ELFN2: variants seen among roughly 807,000 people sequenced by gnomAD.
ELFN2 encodes the protein protein phosphatase 1 regulatory subunit 29.
ELFN2 carries 17 observed loss-of-function variants against 45.5 expected under a neutral mutation model. That is an observed-to-expected ratio of 0.37 (90% CI 0.26 to 0.56). The LOEUF (loss-of-function observed/expected upper bound fraction) is 0.56. Among genes scored for constraint, ELFN2 ranks in the 20% least tolerant of loss-of-function variants. ELFN2 has a pLI of 0.77. For missense variants in ELFN2, 922 were observed against 1,183.2 expected, an observed-to-expected ratio of 0.78 and a Z score of 3.24; for synonymous variants, 550 against 551.5, an observed-to-expected ratio of 1.00 and a Z score of 0.04.
intron 1 of ELFN2, among the ~76,000 whole-genome samples, chr22:37,362,846 T>A (rs1358384757): frequency 6.6e-6 from 1 of 152,088 alleles, no homozygotes; most frequent in African/African-American, 2.4e-5. Context: ...GCAGGACAGA[T>A]GTTTGGGCTC....
intron 1 of ELFN2, among the ~76,000 whole-genome samples, chr22:37,424,686 G>C (rs1045977849): frequency 5.7e-4 from 86 of 152,088 alleles, no homozygotes; most frequent in Non-Finnish European, 8.5e-4. Flanking sequence ...GCGGCGGGGG[G>C]GGGGATGGAA....
intron 2 of ELFN2, among the ~76,000 whole-genome samples, chr22:37,415,804 T>C (rs932985841): frequency 6.6e-6 from 1 of 151,996 alleles, no homozygotes; most frequent in African/African-American, 2.4e-5. Flanking sequence ...CTACTAAAAA[T>C]ACAAAAAATT....
At chr22:37,392,975 C>A (rs960682920) in intron 2 of ELFN2, among the ~76,000 whole-genome samples, 7 of 152,232 alleles carry the variant, frequency 4.6e-5, no homozygotes, top group Non-Finnish European at 7.3e-5. Flanking sequence ...TTACTTCAGG[C>A]CTGCTGCCTG....
At chr22:37,397,021 T>C (rs1569138857) in intron 2 of ELFN2, among the ~76,000 whole-genome samples, 2 of 152,154 alleles carry the variant, frequency 1.3e-5, no homozygotes, top group Non-Finnish European at 2.9e-5. Context: ...TAGGGCTCCC[T>C]GCAGCCCCAG....
chr22:37,358,987 G>C (rs1026399294), intron 1 of ELFN2, among the ~76,000 whole-genome samples: 2 of 152,108 alleles, frequency 1.3e-5, no homozygotes. Context: ...GGGCCGCTGG[G>C]CTATCTGAGA....
In ELFN2 at chr22:37,372,777, T is replaced by A. The variant is rs1931408194; in HGVS notation, c.*295A>T. ...CCTCCCCCCGCCAGCCCCCCGGCCC[T>A]GCACACCCCAGCAGAGTCCCTGGGC... On this transcript the variant is annotated 3_prime_UTR_variant, in exon 3 of 3. Coordinates refer to ENST00000402918, the MANE Select transcript of ELFN2 (RefSeq NM_052906.5). This position sits in a 1 kb window ranked among gnomAD's most constrained non-coding sequence, Gnocchi z 4.4. 25 of 135,074 alleles carry A rather than the reference T, an allele frequency of 1.9e-4. No individual in the cohort carries two copies. The highest frequency in any genetic ancestry group is 8.4e-4 in the East Asian group (4 of 4,782). The allele number at this position is 135,074 out of a possible 1,614,324, so 8.4% of individuals were successfully genotyped here.
chr22:37,412,082 G>C (rs4645084), intron 2 of ELFN2, among the ~76,000 whole-genome samples: 38,175 of 151,660 alleles, frequency 0.25, 8,124 homozygotes, highest in African/African-American at 0.59. Context: ...TGTACACTCA[G>C]GCCTGTAATC....
intron 1 of ELFN2, among the ~76,000 whole-genome samples, chr22:37,345,330 T>C (rs1231793339): frequency 6.6e-6 from 1 of 152,238 alleles, no homozygotes; most frequent in Non-Finnish European, 1.5e-5. Context: ...ATACAGGCTT[T>C]GGACCCAGGA....
At chr22:37,397,392 A>C (rs1932243185) in intron 2 of ELFN2, among the ~76,000 whole-genome samples, 1 of 151,908 alleles carries the variant, frequency 6.6e-6, no homozygotes, top group African/African-American at 2.4e-5. Flanking sequence ...GCTCACCCCC[A>C]CCCACGCTGA....
intron 1 of ELFN2, chr22:37,352,322 C>T (rs1431591781): frequency 6.6e-6 from 1 of 151,078 alleles, no homozygotes; most frequent in African/African-American, 2.4e-5. Context: ...CCAGAGGTGA[C>T]TCCAGCAGCC....
intron 1 of ELFN2, 126 bp downstream of exon 1, chr22:37,427,172 C>T (rs1200333416): frequency 1.3e-5 from 2 of 152,178 alleles, no homozygotes; most frequent in African/African-American, 2.4e-5. Context: ...TCTCATCCCC[C>T]CTTCCGTGTC....
At chr22:37,396,560 C>G (rs1301316657) in intron 2 of ELFN2, among the ~76,000 whole-genome samples, 1 of 152,190 alleles carries the variant, frequency 6.6e-6, no homozygotes, top group African/African-American at 2.4e-5. Flanking sequence ...ACTACCCAGG[C>G]CCCTGTCATG....
At chr22:37,422,151 T>G (rs1003815081) in intron 1 of ELFN2, among the ~76,000 whole-genome samples, 4 of 152,028 alleles carry the variant, frequency 2.6e-5, no homozygotes, top group African/African-American at 9.7e-5. Context: ...GCAGTACCCA[T>G]GCACTTCAGG....
chr22:37,359,321 C>T (rs898842057), intron 1 of ELFN2, among the ~76,000 whole-genome samples: 1 of 152,134 alleles, frequency 6.6e-6, no homozygotes, highest in African/African-American at 2.4e-5. Flanking sequence ...CTCGGCTTTG[C>T]CCTCACTGGC....
At position 37,374,406 on chromosome 22, in the gene ELFN2, A is replaced by G. The variant is rs899929868; in HGVS notation, c.1129T>C (p.Phe377Leu). ...CCGGGGACGGGGTCCCGCGTGGTGA[A>G]GGTCAGGCAGGTGTGGTTGAAGCGG... is the stretch of plus-strand genomic sequence containing the variant. ...SRRFNHTCLT[F>L]TTRDPVPGDL... The change falls in exon 3 of 3, where the codon TTC becomes CTC. Residue 377 changes from phenylalanine to leucine, a missense_variant. By Grantham distance (22) the Phe-to-Leu change is conservative. Transcript: ENST00000402918. 2.7e-5 allele frequency: 44 copies of G among 1,613,716 alleles called. No individual in the cohort carries two copies. The highest frequency in any genetic ancestry group is 3.6e-5 in the Non-Finnish European group (42 of 1,179,836).
At chr22:37,406,416 T>A (rs532187836) in intron 2 of ELFN2, among the ~76,000 whole-genome samples, 1 of 152,218 alleles carries the variant, frequency 6.6e-6, no homozygotes, top group East Asian at 1.9e-4. Context: ...CATCTCGGGA[T>A]TCACCCCCAG....
At position 37,417,445 on chromosome 22, in the gene ELFN2, G is replaced by A. The variant is rs1209950702; in HGVS notation, c.-463+324C>T. ...CAGATGCCCCCTGACCTGCTGGAGT[G>A]CAGACTAAGCCTGCCTCAGCCTCTC... is the stretch of plus-strand genomic sequence containing the variant. On this transcript the variant is annotated intron_variant, in intron 2 of 2. Coordinates refer to ENST00000402918, the MANE Select transcript of ELFN2 (RefSeq NM_052906.5). This position sits in a 1 kb window ranked among gnomAD's most constrained non-coding sequence, Gnocchi z 4.5. Among the ~76,000 whole-genome samples the A allele has an allele frequency of 6.6e-6, 1 of 152,226 alleles. No individual in the cohort carries two copies. The highest frequency in any genetic ancestry group is 1.5e-5 in the Non-Finnish European group (1 of 68,040).
chr22:37,384,871 T>A (rs1478897443), intron 2 of ELFN2: 1 of 151,970 alleles, frequency 6.6e-6, no homozygotes, highest in Non-Finnish European at 1.5e-5. Flanking sequence ...GGACCCGCTC[T>A]TTCACCAGTG....
At chr22:37,353,338 G>A (rs1051864724) in intron 1 of ELFN2, 3 of 150,900 alleles carry the variant, frequency 2.0e-5, no homozygotes, top group African/African-American at 4.8e-5. Flanking sequence ...GACCATTCAC[G>A]CTGCAAAGAT....
Sources: gnomAD v4.1 joint callset for allele counts (sites outside exome capture counted in the v4.1 genomes callset) on GRCh38, gnomAD v4.1.1 for gene constraint, Gnocchi (gnomAD v3.1) non-coding constraint, MANE v1.5 for transcripts, NCBI Gene and HGNC (gene_info 2026-07-23, HGNC 2026-07-21) for gene names.